The following RGMA variants were observed in gnomAD, a reference collection of about 807,000 sequenced individuals.
RGMA encodes repulsive guidance molecule BMP co-receptor a, also known as repulsive guidance molecule A.
Under a neutral mutation model 23.2 loss-of-function variants are expected in RGMA, and 10 were observed. That is an observed-to-expected ratio of 0.43 (90% CI 0.27 to 0.73). The LOEUF is 0.73. Among genes scored for constraint, RGMA ranks in the 30% least tolerant of loss-of-function variants. The pLI is 0.20. For missense variants in RGMA, 547 were observed against 630.5 expected, an observed-to-expected ratio of 0.87 and a Z score of 1.42; for synonymous variants, 308 against 279.3, an observed-to-expected ratio of 1.10 and a Z score of -1.03.
chr15:93,072,336 AAAAC>A (rs1382010784), intron 2 of RGMA, among the ~76,000 whole-genome samples: 1 of 152,254 alleles, frequency 6.6e-6, no homozygotes, highest in Non-Finnish European at 1.5e-5. Context: ...TGACACAATA[AAAAC>A]AAACAGGGGG....
intron 1 of RGMA, chr15:93,088,681 G>T (rs1391347880): frequency 2.4e-6 from 2 of 840,594 alleles, no homozygotes; most frequent in Admixed American, 8.1e-5. Flanking sequence ...ACGCGCGCTG[G>T]CGGCTGCCCG....
At position 93,045,073 on chromosome 15, in the gene RGMA, C is replaced by T. The variant is rs760231677; in HGVS notation, c.1278G>A (p.Ala426=). 33 of 1,573,066 alleles carry T rather than the reference C, an allele frequency of 2.1e-5. No individual in the cohort carries two copies. Among genetic ancestry groups the T allele is most frequent in the Middle Eastern group, 1.7e-4 (1 of 5,984 alleles). ...GGGGCCGGGGGGCCAGGGGCAGCCCCGCAGCCGCCCTGCCTGGCAGGTCCC... is the reference window on the plus strand; with the variant it reads ...GGGGCCGGGGGGCCAGGGGCAGCCCTGCAGCCGCCCTGCCTGGCAGGTCCC... ...RTRDLPGRAA[A]GLPLAPRPLL... is the part of the protein sequence containing the mutation. Residue 426 remains alanine (A), a synonymous_variant, in exon 4 of 4, where the codon GCG becomes GCA. Transcript: ENST00000329082. This position sits in a 1 kb window ranked among gnomAD's most constrained non-coding sequence, Gnocchi z 6.9.
At chr15:93,051,669 G>C (rs1243198920) in intron 3 of RGMA, among the ~76,000 whole-genome samples, 1 of 152,204 alleles carries the variant, frequency 6.6e-6, no homozygotes, top group Non-Finnish European at 1.5e-5. Context: ...CCAGGTTCTG[G>C]AGTCACCCGG....
At chr15:93,054,919 T>G (rs896276252) in intron 2 of RGMA, among the ~76,000 whole-genome samples, 3 of 151,698 alleles carry the variant, frequency 2.0e-5, no homozygotes, top group Non-Finnish European at 4.4e-5. Context: ...GTTGGTGTGG[T>G]AGCTTCCCTG....
In RGMA at chr15:93,045,559, C is replaced by G; in HGVS notation, c.792G>C (p.Lys264Asn). Reference protein sequence around the residue: ...HGANSLKITEKVSGQHVEIQA... With the variant: ...HGANSLKITENVSGQHVEIQA... ...GGATCTCCACGTGCTGGCCTGACAC[C>G]TTCTCAGTGATCTTCAGGCTGTTGG... Residue 264 changes from lysine (K) to asparagine (N), a missense_variant, in exon 4 of 4, where the codon AAG (lysine) becomes AAC (asparagine). Coordinates refer to ENST00000329082, the MANE Select transcript of RGMA (RefSeq NM_020211.3). This position sits in a 1 kb window ranked among gnomAD's most constrained non-coding sequence, Gnocchi z 6.9. 1.9e-6 allele frequency: 3 copies of G among 1,613,354 alleles called. No individual in the cohort carries two copies. Among genetic ancestry groups the G allele is most frequent in the Non-Finnish European group, 2.5e-6 (3 of 1,179,894 alleles).
chr15:93,063,501 C>T (rs1406213457), intron 2 of RGMA, among the ~76,000 whole-genome samples: 1 of 152,226 alleles, frequency 6.6e-6, no homozygotes, highest in Non-Finnish European at 1.5e-5. Flanking sequence ...CCTGAGGCTG[C>T]CTGTTTGTGT....
intron 2 of RGMA, among the ~76,000 whole-genome samples, chr15:93,058,747 C>T (rs1370526328): frequency 6.8e-6 from 1 of 147,700 alleles, no homozygotes; most frequent in Non-Finnish European, 1.5e-5. Flanking sequence ...GCTGCATTCT[C>T]CTCTTCCTTC....
At chr15:93,077,631 T>C (rs980542673) in intron 1 of RGMA, among the ~76,000 whole-genome samples, 1 of 152,198 alleles carries the variant, frequency 6.6e-6, no homozygotes, top group African/African-American at 2.4e-5. Flanking sequence ...GACTCCAACA[T>C]AGGATCGGTT....
intron 2 of RGMA, among the ~76,000 whole-genome samples, chr15:93,063,244 C>T (rs111531553): frequency 5.3e-5 from 8 of 152,340 alleles, no homozygotes; most frequent in East Asian, 1.9e-4. Flanking sequence ...CTAGCCTGAG[C>T]GGCAGATGCT....
chr15:93,086,433 T>TA (rs1895636068), intron 1 of RGMA, among the ~76,000 whole-genome samples: 1 of 152,232 alleles, frequency 6.6e-6, no homozygotes, highest in Non-Finnish European at 1.5e-5. Context: ...TTCATGTCTA[T>TA]ACTGCATGCT....
Position 93,084,481 on chromosome 15 carries a change from G to GT in RGMA, c.14+4437dup, listed in dbSNP as rs11396219. Among the ~76,000 whole-genome samples the GT allele has an allele frequency of 8.2e-3, 1,239 of 150,296 alleles. 9 individuals are homozygous for GT. Among genetic ancestry groups the GT allele is most frequent in the African/African-American group, 0.029 (1,176 of 40,816 alleles). ...AGGTTTTTTTGTTTTTTTGTTTTTT[G>GT]TTTTTTTTTGAGATGGAGTCTGGCT... is the stretch of plus-strand genomic sequence containing the variant. On this transcript the variant is annotated intron_variant, in intron 1 of 3. Transcript: ENST00000329082.
rs770198433 is a variant in RGMA at position 93,045,245 on chromosome 15, G to A, written c.1106C>T (p.Pro369Leu). The A allele has an allele frequency of 2.0e-5, 33 of 1,612,950 alleles. No homozygotes were observed. Among genetic ancestry groups the A allele is most frequent in the African/African-American group, 4.0e-5 (3 of 74,906 alleles). ...TAVAKCKEKL[P>L]VEDLYYQACV... ...GGCCTGGTAGTACAGGTCCTCCACCGGCAGCTTCTCCTTGCACTTGGCCAC... is the reference window on the plus strand; with the variant it reads ...GGCCTGGTAGTACAGGTCCTCCACCAGCAGCTTCTCCTTGCACTTGGCCAC... The change falls in exon 4 of 4, where the codon CCG (proline) becomes CTG (leucine). Residue 369 changes from proline to leucine, a missense_variant. Physicochemically the swap from Pro to Leu is moderately conservative, Grantham distance 98. This residue lies in a region of RGMA where 205 missense variants were observed against 204.1 expected (regional missense o/e 1.00). Coordinates refer to ENST00000329082, the MANE Select transcript of RGMA (RefSeq NM_020211.3). The surrounding 1 kb of genome is among the most constrained non-coding windows in gnomAD (Gnocchi z 6.9).
chr15:93,054,535 T>A (rs2054981697), intron 2 of RGMA, among the ~76,000 whole-genome samples: 1 of 152,244 alleles, frequency 6.6e-6, no homozygotes, highest in African/African-American at 2.4e-5. Flanking sequence ...CCCCTGCACA[T>A]GCTCTCTTGC....
rs942123347 is a variant in RGMA at position 93,088,159 on chromosome 15, T to A, written c.14+760A>T. ...AGAAATCTCAATTTGGGAGAACTGA[T>A]TCTACCTCCGAGCAAGTCTAATACA... On this transcript the variant is annotated intron_variant, in intron 1 of 3. Coordinates refer to ENST00000329082, the MANE Select transcript of RGMA (RefSeq NM_020211.3). The A allele has an allele frequency of 7.1e-6, 5 of 709,092 alleles. No homozygotes were observed. The African/African-American group carries it at 9.6e-5, about 14-fold the overall frequency. The allele number at this position is 709,092 out of a possible 1,614,324, so 43.9% of individuals were successfully genotyped here. A position where few individuals can be genotyped will look rare whatever the true frequency, so the allele number is the denominator to read the frequency against.
At chr15:93,082,072 G>A (rs1009891648) in intron 1 of RGMA, among the ~76,000 whole-genome samples, 1 of 152,220 alleles carries the variant, frequency 6.6e-6, no homozygotes, top group Non-Finnish European at 1.5e-5. Flanking sequence ...AGATTGTTGT[G>A]AGGATTAAAT....
intron 2 of RGMA, among the ~76,000 whole-genome samples, chr15:93,053,568 T>C (rs2054963513): frequency 6.6e-6 from 1 of 152,190 alleles, no homozygotes; most frequent in Admixed American, 6.5e-5. Flanking sequence ...TGGTGCTGGT[T>C]TTACCTATAA....
chr15:93,080,752 T>A (rs912623774), intron 1 of RGMA, among the ~76,000 whole-genome samples: 1 of 152,104 alleles, frequency 6.6e-6, no homozygotes, highest in Non-Finnish European at 1.5e-5. Context: ...TGACCCTCTT[T>A]CCTTCTTTCA....
chr15:93,051,923 CCT>C (rs2054927052), intron 3 of RGMA, 68 bp downstream of exon 3: 3 of 1,468,656 alleles, frequency 2.0e-6, no homozygotes, highest in Admixed American at 2.0e-5. Context: ...GCCCTCTCAG[CCT>C]CTCAGTGTCC....
chr15:93,088,801 G>C (rs1895685637), intron 1 of RGMA, 118 bp downstream of exon 1: 7 of 989,898 alleles, frequency 7.1e-6, no homozygotes, highest in Non-Finnish European at 1.0e-5. Context: ...GGGCAAGATG[G>C]GAGCAAGATG....
Sources: gnomAD v4.1 joint callset for allele counts (sites outside exome capture counted in the v4.1 genomes callset) on GRCh38, gnomAD v4.1.1 for gene constraint, gnomAD v4.1.1 regional missense constraint, Gnocchi (gnomAD v3.1) non-coding constraint, MANE v1.5 for transcripts, NCBI Gene and HGNC (gene_info 2026-07-23, HGNC 2026-07-21) for gene names.